Variants in ADGRB1 observed in about 807,000 individuals in gnomAD.
The protein encoded by ADGRB1 is brain-specific angiogenesis inhibitor 1.
ADGRB1 carries 36 observed loss-of-function variants against 175.7 expected under a neutral mutation model. That is an observed-to-expected ratio of 0.20 (90% CI 0.16 to 0.27). The LOEUF (loss-of-function observed/expected upper bound fraction) is 0.27, where lower values mean the gene tolerates loss of function less well. Among genes scored for constraint, ADGRB1 ranks in the 10% least tolerant of loss-of-function variants. The pLI, the probability that ADGRB1 is intolerant of heterozygous loss-of-function variation, is 1.00. For synonymous variants in ADGRB1, 1,054 were observed against 979.4 expected (o/e 1.08, Z -1.42); for missense variants, 1,731 against 2,255.3 (o/e 0.77, Z 4.71).
chr8:142,493,096 C>A lies in ADGRB1; in HGVS notation c.2675+2281C>A, dbSNP rs528897085. 6.6e-6 allele frequency among the ~76,000 whole-genome samples: 1 copy of A among 152,054 alleles called. No individual in the cohort carries two copies. Among genetic ancestry groups the A allele is most frequent in the South Asian group, 2.1e-4 (1 of 4,808 alleles). ...TGATTGCTCCCTGGGGATCAGTCCC[C>A]AGGCAGTCTTGTCAGGTGGAGGGTG... On this transcript the variant is annotated intron_variant, in intron 17 of 30. Transcript: ENST00000517894. This position sits in a 1 kb window ranked among gnomAD's most constrained non-coding sequence, Gnocchi z 5.0.
intron 17 of ADGRB1, among the ~76,000 whole-genome samples, chr8:142,494,881 G>A (rs993284677): frequency 7.2e-5 from 11 of 151,770 alleles, no homozygotes; most frequent in East Asian, 1.9e-4. Flanking sequence ...GGAGCAAAGC[G>A]GGGGGTGGGG....
intron 30 of ADGRB1, 128 bp from the exon 31 acceptor site, chr8:142,544,092 C>CCCTGTCT (rs1238411856): frequency 1.0e-6 from 1 of 978,030 alleles, no homozygotes; most frequent in African/African-American, 1.6e-5. Flanking sequence ...TCATCCTGTC[C>CCCTGTCT]CCTGTCCCCT....
At chr8:142,469,163 G>A in intron 2 of ADGRB1, among the ~76,000 whole-genome samples, 1 of 1,404 alleles carries the variant, frequency 7.1e-4, no homozygotes, top group Non-Finnish European at 1.9e-3. Context: ...GTGCATGTGT[G>A]TGTGTGTGCA....
intron 22 of ADGRB1, among the ~76,000 whole-genome samples, chr8:142,523,848 C>A (rs767365526): frequency 1.6e-4 from 25 of 151,944 alleles, no homozygotes; most frequent in Non-Finnish European, 3.4e-4. Context: ...GGGCCTGAGC[C>A]CCAGCATTCA....
At chr8:142,522,596 G>A (rs1428895835) in intron 21 of ADGRB1, 45 bp from the exon 22 acceptor site, 4 of 1,511,900 alleles carry the variant, frequency 2.6e-6, no homozygotes, top group South Asian at 2.5e-5. Flanking sequence ...GAGGCTGGCT[G>A]GGGACTTGGG....
chr8:142,534,141 A>G (rs4394436), intron 25 of ADGRB1, among the ~76,000 whole-genome samples: 101,213 of 152,180 alleles, frequency 0.67, 35,925 homozygotes, highest in East Asian at 0.99. Flanking sequence ...GCCGGTAGGC[A>G]GGGAAGCAGG....
intron 23 of ADGRB1, 25 bp downstream of exon 23, chr8:142,524,329 C>A (rs1172014699): frequency 6.4e-7 from 1 of 1,563,440 alleles, no homozygotes; most frequent in Non-Finnish European, 8.6e-7. Context: ...AGGCCCCACT[C>A]CCCACGACCC....
intron 24 of ADGRB1, among the ~76,000 whole-genome samples, chr8:142,526,976 C>T (rs555738272): frequency 5.9e-5 from 9 of 152,282 alleles, no homozygotes; most frequent in East Asian, 1.9e-4. Context: ...CCCCCACTCC[C>T]CTACCACAAG....
rs534174367 is a variant in ADGRB1, at chr8:142,455,197, C to T, written c.-220+5093C>T. Among the ~76,000 whole-genome samples, 2 of 151,534 alleles carry T rather than the reference C, an allele frequency of 1.3e-5. No individual in the cohort carries two copies. Among genetic ancestry groups the T allele is most frequent in the South Asian group, 4.2e-4 (2 of 4,778 alleles). ...ACTGCACCATCATTCCTATCTGACC[C>T]CACCTCCATCCCCAACACCAAAGCC... On this transcript the variant is annotated intron_variant, in intron 1 of 30. Transcript: ENST00000517894. This position sits in a 1 kb window ranked among gnomAD's most constrained non-coding sequence, Gnocchi z 4.9.
At position 142,518,209 on chromosome 8, in the gene ADGRB1, C is replaced by T. The variant is rs143899002; in HGVS notation, c.2889C>T (p.Leu963=). ...VGCGVSSLTL[L]MLVIIYVSVW... ...GTGGCGTGTCCTCTCTCACCCTGCT[C>T]ATGCTGGTCATCATCTACGTGTCCG... Residue 963 remains leucine, a synonymous_variant, in exon 19 of 31, where the codon CTC becomes CTT. Transcript: ENST00000517894. The T allele has an allele frequency of 8.4e-4, 1,363 of 1,613,796 alleles. 5 individuals carry two copies. The highest frequency in any genetic ancestry group is 1.0e-3 in the Non-Finnish European group (1,206 of 1,179,792).
chr8:142,477,573 G>A (rs1841050398), intron 6 of ADGRB1, 24 bp downstream of exon 6: 3 of 1,602,374 alleles, frequency 1.9e-6, no homozygotes, highest in Non-Finnish European at 2.6e-6. Flanking sequence ...AGGGCGTAGG[G>A]GCAGGGAGGA....
rs929374622 is a variant in ADGRB1, at chr8:142,541,275, C to T, written c.3707-666C>T. Among the ~76,000 whole-genome samples, 48 of 152,108 alleles carry T rather than the reference C, an allele frequency of 3.2e-4. 1 individual carries two copies. The highest frequency in any genetic ancestry group is 8.7e-4 in the African/African-American group (36 of 41,490). ...GGGGCTAGATTCATTGGCAGGAAGT[C>T]GGGGGCAAACTGGAGCCCCACTCAG... On this transcript the variant is annotated intron_variant, in intron 27 of 30. Transcript: ENST00000517894.
At chr8:142,481,792 C>T in intron 11 of ADGRB1, 81 bp downstream of exon 11, 2 of 1,253,626 alleles carry the variant, frequency 1.6e-6, no homozygotes, top group Admixed American at 2.8e-5. Flanking sequence ...AGATGGATCC[C>T]CAACCCTGGC....
At position 142,462,328 on chromosome 8, in the gene ADGRB1, T is replaced by C. The variant is rs540168970; in HGVS notation, c.-219-1652T>C. Among the ~76,000 whole-genome samples the C allele has an allele frequency of 1.8e-4, 27 of 152,220 alleles. No individual in the cohort carries two copies. In the South Asian group the frequency reaches 4.8e-3, roughly 27 times the overall value. On this transcript the variant is annotated intron_variant, in intron 1 of 30. Coordinates refer to ENST00000517894, the MANE Select transcript of ADGRB1 (RefSeq NM_001702.3). ...GCTGGAAGCACTTCCTGCAGCCCCC[T>C]GGCTAAAATTCCCCCACCCAGCTCT...
Position 142,492,552 on chromosome 8 carries a change from C to T in ADGRB1, c.2675+1737C>T, listed in dbSNP as rs576781588. On this transcript the variant is annotated intron_variant, in intron 17 of 30. Coordinates refer to ENST00000517894, the MANE Select transcript of ADGRB1 (RefSeq NM_001702.3). This position sits in a 1 kb window ranked among gnomAD's most constrained non-coding sequence, Gnocchi z 4.4. Reference sequence around the variant, plus strand: ...CGTGTGAGTGTCTGGGGATGAGCGTCGCAGGGGAAGGAGCAGCCGGGGCAA... The same window carrying T: ...CGTGTGAGTGTCTGGGGATGAGCGTTGCAGGGGAAGGAGCAGCCGGGGCAA... Among the ~76,000 whole-genome samples the T allele has an allele frequency of 6.6e-6, 1 of 152,230 alleles. No individual in the cohort carries two copies.
Position 142,543,363 on chromosome 8 carries a change from G to C in ADGRB1, c.4414-40G>C. 6.2e-7 allele frequency: 1 copy of C among 1,612,560 alleles called. No individual in the cohort carries two copies. The highest frequency in any genetic ancestry group is 8.5e-7 in the Non-Finnish European group (1 of 1,179,262). On this transcript the variant is annotated intron_variant, in intron 28 of 30. Transcript: ENST00000517894. This position sits in a 1 kb window ranked among gnomAD's most constrained non-coding sequence, Gnocchi z 4.4. ...GCAGGGAGAGGCGTGGACTTGTCAG[G>C]GACCCTTGGCGAATGTTCGCAAACC...
chr8:142,489,314 C>T, intron 15 of ADGRB1, 22 bp from the exon 16 acceptor site: 1 of 1,611,844 alleles, frequency 6.2e-7, no homozygotes. Flanking sequence ...TCCCCCGACA[C>T]CTGTGCCTCT....
chr8:142,506,544 G>A (rs537499017), intron 17 of ADGRB1, among the ~76,000 whole-genome samples: 4 of 152,340 alleles, frequency 2.6e-5, no homozygotes, highest in Admixed American at 6.5e-5. Flanking sequence ...TGTAGCTGAC[G>A]AGAGGTGGCA....
At chr8:142,459,114 C>T (rs1480338842) in intron 1 of ADGRB1, among the ~76,000 whole-genome samples, 1 of 152,226 alleles carries the variant, frequency 6.6e-6, no homozygotes, top group African/African-American at 2.4e-5. Context: ...ATAGTGGAGG[C>T]CTGGCATGGG....
Sources: allele counts gnomAD v4.1 joint callset (sites outside exome capture counted in the v4.1 genomes callset), GRCh38; gene constraint gnomAD v4.1.1; non-coding constraint Gnocchi (gnomAD v3.1); transcripts MANE v1.5; gene names NCBI Gene and HGNC (gene_info 2026-07-23, HGNC 2026-07-21).